TESK2: variants seen among roughly 807,000 people sequenced by gnomAD.
The protein encoded by TESK2 is dual specificity testis-specific protein kinase 2.
A neutral mutation model predicts 57.1 loss-of-function variants in TESK2; 39 were observed. That is an observed-to-expected ratio of 0.68 (90% CI 0.53 to 0.89). TESK2 has a LOEUF of 0.89. TESK2 is among the 40% of genes least tolerant of loss of function. The pLI is 0.00. For missense variants in TESK2, 646 were observed against 732.1 expected (o/e 0.88, Z 1.36); for synonymous variants, 249 against 267.9 (o/e 0.93, Z 0.69).
chr1:45,386,042 T>G, intron 3 of TESK2, 82 bp from the exon 4 acceptor site: 1 of 1,100,180 alleles, frequency 9.1e-7, no homozygotes, highest in Non-Finnish European at 1.4e-6. Context: ...TAGTTACCCA[T>G]GCATTAGAAA....
intron 3 of TESK2, among the ~76,000 whole-genome samples, chr1:45,405,418 GACAA>G (rs1649797803): frequency 6.6e-6 from 1 of 151,986 alleles, no homozygotes; most frequent in Non-Finnish European, 1.5e-5. Context: ...TTTAAAAATT[GACAA>G]ACAAAAAACC....
intron 9 of TESK2, 122 bp downstream of exon 9, chr1:45,346,571 T>A: frequency 1.3e-6 from 1 of 756,080 alleles, no homozygotes; most frequent in Non-Finnish European, 2.2e-6. Flanking sequence ...GTGTGGTTGC[T>A]GTCACTACAG....
chr1:45,384,666 G>A (rs569294061), intron 4 of TESK2, among the ~76,000 whole-genome samples: 9 of 125,508 alleles, frequency 7.2e-5, no homozygotes, highest in South Asian at 2.5e-4. Context: ...GGCTGGTCTC[G>A]AAATCCTGGT....
chr1:45,374,836 C>T lies in TESK2; in HGVS notation c.393+11076G>A, dbSNP rs530830959. Among the ~76,000 whole-genome samples the T allele has an allele frequency of 1.1e-3, 175 of 152,310 alleles. 1 individual carries two copies. The highest frequency in any genetic ancestry group is 4.1e-3 in the African/African-American group (169 of 41,570). On this transcript the variant is annotated intron_variant, in intron 4 of 10. Coordinates refer to ENST00000372086, the MANE Select transcript of TESK2 (RefSeq NM_007170.3). ...GTACCTCCTATAGTCTTCCCATCTC[C>T]ATTAATGGCAACTCTATTTTTTAGG... is the stretch of plus-strand genomic sequence containing the variant.
At chr1:45,350,020 T>G (rs1326879326) in intron 5 of TESK2, among the ~76,000 whole-genome samples, 7 of 152,086 alleles carry the variant, frequency 4.6e-5, no homozygotes, top group Non-Finnish European at 1.0e-4. Flanking sequence ...CAGGCACCTG[T>G]AATCCCAGCT....
At chr1:45,427,038 T>C (rs966556789) in intron 2 of TESK2, among the ~76,000 whole-genome samples, 1 of 151,478 alleles carries the variant, frequency 6.6e-6, no homozygotes, top group African/African-American at 2.4e-5. Flanking sequence ...AGGTCGGGAG[T>C]TGGAGACCAG....
intron 4 of TESK2, among the ~76,000 whole-genome samples, chr1:45,384,771 A>G (rs1396368676): frequency 6.6e-6 from 1 of 151,692 alleles, no homozygotes; most frequent in Non-Finnish European, 1.5e-5. Context: ...GGTATTATTA[A>G]TTATTATTAT....
intron 4 of TESK2, among the ~76,000 whole-genome samples, chr1:45,371,116 A>T (rs2149270045): frequency 6.6e-6 from 1 of 152,132 alleles, no homozygotes; most frequent in South Asian, 2.1e-4. Flanking sequence ...AGTATTGGTG[A>T]GGATGTGGAG....
chr1:45,477,215 A>C (rs528011745), intron 1 of TESK2, among the ~76,000 whole-genome samples: 58 of 149,284 alleles, frequency 3.9e-4, no homozygotes, highest in African/African-American at 1.4e-3. Flanking sequence ...CCTGGGTGAC[A>C]GAGTGAGACT....
At chr1:45,374,278 C>G (rs1220696907) in intron 4 of TESK2, among the ~76,000 whole-genome samples, 1 of 152,160 alleles carries the variant, frequency 6.6e-6, no homozygotes, top group East Asian at 1.9e-4. Context: ...TTATTGCATG[C>G]CTTTATGCTC....
At chr1:45,359,552 C>A in intron 4 of TESK2, among the ~76,000 whole-genome samples, 1 of 133,310 alleles carries the variant, frequency 7.5e-6, no homozygotes, top group East Asian at 2.3e-4. Flanking sequence ...AGAGTGAGAC[C>A]CTGTCTTGAA....
chr1:45,475,063 C>CAAAAAAAAAA (rs58542898), intron 1 of TESK2, among the ~76,000 whole-genome samples: 4 of 87,402 alleles, frequency 4.6e-5, no homozygotes, highest in Non-Finnish European at 7.4e-5. Flanking sequence ...GACTCTATCT[C>CAAAAAAAAAA]AAAAAAAAAA....
chr1:45,485,183 G>GTTTTTT (rs1292259897), intron 1 of TESK2, among the ~76,000 whole-genome samples: 1 of 138,480 alleles, frequency 7.2e-6, no homozygotes, highest in Non-Finnish European at 1.7e-5. Flanking sequence ...TCACTGTTTT[G>GTTTTTT]TTTTTTGTTT....
chr1:45,467,384 A>G (rs564510703), intron 1 of TESK2, among the ~76,000 whole-genome samples: 18 of 151,926 alleles, frequency 1.2e-4, no homozygotes, highest in African/African-American at 4.1e-4. Flanking sequence ...TCGCTCTGTC[A>G]CCCAGACTGG....
Position 45,471,876 on chromosome 1 carries a change from T to C in TESK2, c.-86-14005A>G, listed in dbSNP as rs367927510. On this transcript the variant is annotated intron_variant, in intron 1 of 10. Transcript: ENST00000372086. ...ACTGCACACTACAGCCTCGAACTCC[T>C]AAGCTCAAGGGATCCCCTTTGCCTC... is the stretch of plus-strand genomic sequence containing the variant. 2.6e-5 allele frequency among the ~76,000 whole-genome samples: 4 copies of C among 152,198 alleles called. No individual in the cohort carries two copies. The East Asian group carries it at 7.7e-4, about 29-fold the overall frequency.
At chr1:45,357,407 G>A (rs1362191034) in intron 4 of TESK2, among the ~76,000 whole-genome samples, 2 of 151,866 alleles carry the variant, frequency 1.3e-5, no homozygotes, top group African/African-American at 2.4e-5. Context: ...TGGCAACCTT[G>A]GACAGAGCAG....
At chr1:45,381,560 C>A (rs1489161127) in intron 4 of TESK2, among the ~76,000 whole-genome samples, 2 of 152,174 alleles carry the variant, frequency 1.3e-5, no homozygotes, top group African/African-American at 4.8e-5. Flanking sequence ...GTTCTCCCAG[C>A]AAATTTCAGC....
chr1:45,408,355 C>T (rs1057162569), intron 3 of TESK2, among the ~76,000 whole-genome samples: 1 of 151,958 alleles, frequency 6.6e-6, no homozygotes, highest in African/African-American at 2.4e-5. Context: ...ATTTTTTCCT[C>T]TGTGGAAATG....
intron 5 of TESK2, 74 bp from the exon 6 acceptor site, chr1:45,348,074 C>T: frequency 5.0e-6 from 5 of 999,046 alleles, no homozygotes; most frequent in Non-Finnish European, 8.0e-6. Flanking sequence ...ACCACCCATT[C>T]CCCCCTTCCT....
Sources: gnomAD v4.1 joint callset for allele counts (sites outside exome capture counted in the v4.1 genomes callset) on GRCh38, gnomAD v4.1.1 for gene constraint, MANE v1.5 for transcripts, NCBI Gene and HGNC (gene_info 2026-07-23, HGNC 2026-07-21) for gene names.